The following ROBO1 variants were observed in gnomAD, a reference collection of about 807,000 sequenced individuals.
The protein encoded by ROBO1 is roundabout homolog 1.
Under a neutral mutation model 195.9 loss-of-function variants are expected in ROBO1, and 149 were observed. That is an observed-to-expected ratio of 0.76 (90% confidence interval 0.67 to 0.87). The LOEUF is 0.87. Ranked by LOEUF, ROBO1 falls within the 40% of genes least tolerant of loss-of-function variation. The pLI, the probability that ROBO1 is intolerant of heterozygous loss-of-function variation, is 0.00. For missense variants in ROBO1, 1,933 were observed against 2,068.3 expected (o/e 0.93, Z 1.27); for synonymous variants, 816 against 733.2 (o/e 1.11, Z -1.82).
intron 4 of ROBO1, among the ~76,000 whole-genome samples, chr3:78,754,093 A>G (rs1178726665): frequency 1.3e-5 from 2 of 152,322 alleles, no homozygotes; most frequent in East Asian, 3.9e-4. Flanking sequence ...AGTTATTTCC[A>G]TAAAAAACAG....
At chr3:78,726,891 T>TAACAAC (rs200244955) in intron 5 of ROBO1, among the ~76,000 whole-genome samples, 1 of 151,992 alleles carries the variant, frequency 6.6e-6, no homozygotes, top group Non-Finnish European at 1.5e-5. Context: ...ATCAAATTAG[T>TAACAAC]AACAACAACA....
At chr3:78,846,499 C>T (rs548247789) in intron 4 of ROBO1, among the ~76,000 whole-genome samples, 16 of 152,162 alleles carry the variant, frequency 1.1e-4, no homozygotes, top group Admixed American at 4.6e-4. Flanking sequence ...CTTTATTTTT[C>T]ACGATGGCAT....
intron 20 of ROBO1, among the ~76,000 whole-genome samples, chr3:78,647,298 T>G (rs142604107): frequency 1.3e-5 from 2 of 152,108 alleles, no homozygotes; most frequent in African/African-American, 4.8e-5. Context: ...AGTTGAAAAA[T>G]GCACTGTCAA....
chr3:79,144,441 C>CT (rs1321356104), intron 2 of ROBO1, among the ~76,000 whole-genome samples: 1 of 151,832 alleles, frequency 6.6e-6, no homozygotes, highest in Non-Finnish European at 1.5e-5. Flanking sequence ...CTCCCTTCCA[C>CT]TTTTTTCCTC....
intron 4 of ROBO1, among the ~76,000 whole-genome samples, chr3:78,829,807 T>G (rs1304780676): frequency 1.3e-5 from 2 of 152,202 alleles, no homozygotes; most frequent in Non-Finnish European, 2.9e-5. Context: ...GACTTGTTTC[T>G]ATGGGTAAAT....
intron 21 of ROBO1, among the ~76,000 whole-genome samples, chr3:78,645,631 G>C (rs114123096): frequency 6.6e-6 from 1 of 151,970 alleles, no homozygotes; most frequent in African/African-American, 2.4e-5. Context: ...ATTTCAATTA[G>C]AGGAGGGAAA....
chr3:79,207,308 C>A (rs927369525), intron 2 of ROBO1, among the ~76,000 whole-genome samples: 5 of 152,046 alleles, frequency 3.3e-5, no homozygotes, highest in African/African-American at 1.2e-4. Flanking sequence ...TAAAACAATG[C>A]CTCTTATTTG....
chr3:78,920,556 C>T (rs1340068543), intron 4 of ROBO1, among the ~76,000 whole-genome samples: 5 of 151,028 alleles, frequency 3.3e-5, no homozygotes, highest in East Asian at 3.9e-4. Flanking sequence ...CCGCCCACCT[C>T]GGCCTCCCAA....
chr3:79,090,401 T>C (rs2079456626), intron 3 of ROBO1, among the ~76,000 whole-genome samples: 1 of 152,002 alleles, frequency 6.6e-6, no homozygotes, highest in Non-Finnish European at 1.5e-5. Flanking sequence ...CTTTTGTTGT[T>C]TTAGAAGTGA....
chr3:79,003,161 C>T (rs1469270514), intron 3 of ROBO1, among the ~76,000 whole-genome samples: 1 of 152,080 alleles, frequency 6.6e-6, no homozygotes, highest in East Asian at 1.9e-4. Flanking sequence ...TTATATTTTC[C>T]TTTGCTGGGA....
intron 1 of ROBO1, among the ~76,000 whole-genome samples, chr3:79,673,220 A>G (rs1946681665): frequency 6.6e-6 from 1 of 152,038 alleles, no homozygotes; most frequent in South Asian, 2.1e-4. Flanking sequence ...TAAATGGCAG[A>G]TTTAACAATT....
At chr3:79,705,157 T>C (rs1947730465) in intron 1 of ROBO1, among the ~76,000 whole-genome samples, 3 of 152,028 alleles carry the variant, frequency 2.0e-5, no homozygotes, top group Non-Finnish European at 4.4e-5. Context: ...TGAAAGTCTC[T>C]TTTGCAGAGC....
At chr3:79,623,154 C>A (rs1213414702) in intron 1 of ROBO1, among the ~76,000 whole-genome samples, 2 of 152,024 alleles carry the variant, frequency 1.3e-5, no homozygotes, top group African/African-American at 4.8e-5. Context: ...ACAACAACAA[C>A]AACAACAACA....
At chr3:78,766,467 G>C (rs1000773372) in intron 4 of ROBO1, among the ~76,000 whole-genome samples, 1 of 152,148 alleles carries the variant, frequency 6.6e-6, no homozygotes, top group Non-Finnish European at 1.5e-5. Flanking sequence ...CATTAATCTT[G>C]TATCCGGAAA....
At chr3:78,652,596 A>G (rs1167161902) in intron 18 of ROBO1, among the ~76,000 whole-genome samples, 2 of 152,214 alleles carry the variant, frequency 1.3e-5, no homozygotes, top group Non-Finnish European at 2.9e-5. Flanking sequence ...AAATATTCAG[A>G]TAATGTTACC....
intron 1 of ROBO1, among the ~76,000 whole-genome samples, chr3:79,682,514 T>A (rs1946979851): frequency 6.6e-6 from 1 of 152,068 alleles, no homozygotes; most frequent in Admixed American, 6.6e-5. Context: ...ATCAGATGCA[T>A]GTATCAATAG....
At chr3:79,466,260 A>G (rs1205818120) in intron 2 of ROBO1, among the ~76,000 whole-genome samples, 2 of 152,148 alleles carry the variant, frequency 1.3e-5, no homozygotes, top group East Asian at 1.9e-4. Flanking sequence ...TTAAGAAATA[A>G]TGTTTTCAAT....
intron 3 of ROBO1, among the ~76,000 whole-genome samples, chr3:79,000,148 G>A (rs1163120893): frequency 6.6e-6 from 1 of 152,074 alleles, no homozygotes; most frequent in Non-Finnish European, 1.5e-5. Flanking sequence ...GGTGGCCTCA[G>A]GAAACTTACA....
intron 3 of ROBO1, among the ~76,000 whole-genome samples, chr3:79,025,123 C>T (rs936781520): frequency 6.6e-6 from 1 of 152,122 alleles, no homozygotes; most frequent in Non-Finnish European, 1.5e-5. Context: ...ATCACAATGG[C>T]TTCTATGCTG....
Sources: allele counts gnomAD v4.1 joint callset (sites outside exome capture counted in the v4.1 genomes callset), GRCh38; gene constraint gnomAD v4.1.1; transcripts MANE v1.5; gene names NCBI Gene and HGNC (gene_info 2026-07-23, HGNC 2026-07-21).